SPAG16: variants seen among roughly 807,000 people sequenced by gnomAD.
SPAG16 encodes the protein sperm-associated antigen 16 protein.
SPAG16 carries 86 observed loss-of-function variants against 80.4 expected under a neutral mutation model. The ratio of observed to expected loss-of-function variants is 1.07; its 90% confidence interval spans 0.90 to 1.28. The LOEUF is 1.28. Among genes scored for constraint, SPAG16 ranks in the 50% most tolerant of loss-of-function variants. SPAG16 has a pLI of 0.00. For missense variants in SPAG16, 870 were observed against 765.3 expected (o/e 1.14, Z -1.61); for synonymous variants, 294 against 265.9 (o/e 1.11, Z -1.03).
intron 15 of SPAG16, among the ~76,000 whole-genome samples, chr2:214,234,341 A>G (rs541464551): frequency 4.5e-4 from 69 of 152,270 alleles, no homozygotes; most frequent in Admixed American, 1.0e-3. Flanking sequence ...TAGTGCTGCA[A>G]TGAACATAGG....
intron 3 of SPAG16, among the ~76,000 whole-genome samples, chr2:213,299,873 T>C (rs72935164): frequency 0.21 from 31,794 of 152,098 alleles, 4,309 homozygotes; most frequent in Non-Finnish European, 0.31. Context: ...AAAGGTAGGA[T>C]TATATATATG....
At chr2:214,306,654 C>T (rs1171558659) in intron 15 of SPAG16, among the ~76,000 whole-genome samples, 2 of 151,882 alleles carry the variant, frequency 1.3e-5, no homozygotes, top group African/African-American at 4.8e-5. Context: ...GTCTTTAGTT[C>T]TGTTTATGTG....
chr2:213,564,198 A>ATG (rs958744776), intron 10 of SPAG16, among the ~76,000 whole-genome samples: 2 of 152,164 alleles, frequency 1.3e-5, no homozygotes, highest in African/African-American at 4.8e-5. Flanking sequence ...CAAAGGCAGT[A>ATG]TGTGTGCCCA....
intron 10 of SPAG16, among the ~76,000 whole-genome samples, chr2:213,701,853 A>C (rs887301938): frequency 6.6e-6 from 1 of 152,158 alleles, no homozygotes; most frequent in African/African-American, 2.4e-5. Flanking sequence ...TGTCTAGCTC[A>C]GGGATTGTAA....
chr2:214,126,608 A>G (rs1244106668), intron 14 of SPAG16, among the ~76,000 whole-genome samples: 1 of 151,822 alleles, frequency 6.6e-6, no homozygotes, highest in Non-Finnish European at 1.5e-5. Context: ...AATCCATTGC[A>G]GGTTATCCCA....
rs76118901 is a variant in SPAG16 at position 213,980,029 on chromosome 2, A to G, written c.1401-33922A>G. Among the ~76,000 whole-genome samples, 1,384 of 151,756 alleles carry G rather than the reference A, an allele frequency of 9.1e-3. 39 individuals are homozygous for G. Among genetic ancestry groups the G allele is most frequent in the East Asian group, 0.09 (464 of 5,150 alleles). On this transcript the variant is annotated intron_variant, in intron 12 of 15. Coordinates refer to ENST00000331683, the MANE Select transcript of SPAG16 (RefSeq NM_024532.5). The stretch of plus-strand genomic sequence containing the variant: ...AAACATGTATGGCATTGCCTATAGC[A>G]TCATGAAAGAACCAGACTTACTGAA...
chr2:213,976,814 A>G (rs994787141), intron 12 of SPAG16, among the ~76,000 whole-genome samples: 1 of 151,532 alleles, frequency 6.6e-6, no homozygotes, highest in Non-Finnish European at 1.5e-5. Context: ...TGAGTTTGGA[A>G]GTGGTTTTGT....
intron 9 of SPAG16, among the ~76,000 whole-genome samples, chr2:213,384,935 G>A (rs2067348962): frequency 6.6e-6 from 1 of 151,976 alleles, no homozygotes; most frequent in South Asian, 2.1e-4. Context: ...TTCCATAATT[G>A]TGCCCATCTT....
intron 13 of SPAG16, among the ~76,000 whole-genome samples, chr2:214,019,100 A>G (rs2047730981): frequency 6.6e-6 from 1 of 152,194 alleles, no homozygotes; most frequent in South Asian, 2.1e-4. Flanking sequence ...AAATTGAAAG[A>G]TAAGATTGCT....
chr2:213,733,738 C>G (rs2067166650), intron 10 of SPAG16, among the ~76,000 whole-genome samples: 1 of 152,032 alleles, frequency 6.6e-6, no homozygotes, highest in Non-Finnish European at 1.5e-5. Context: ...TCAAGTGAGA[C>G]TTCTGTTGTG....
intron 10 of SPAG16, among the ~76,000 whole-genome samples, chr2:213,815,319 A>G (rs1214913385): frequency 6.6e-6 from 1 of 152,188 alleles, no homozygotes; most frequent in Non-Finnish European, 1.5e-5. Flanking sequence ...CCAGATTTGC[A>G]GGGAAGGTAA....
intron 10 of SPAG16, among the ~76,000 whole-genome samples, chr2:213,773,492 A>G (rs553997360): frequency 6.6e-6 from 1 of 152,242 alleles, no homozygotes; most frequent in Admixed American, 6.5e-5. Flanking sequence ...CTCATGGCAT[A>G]ATGGTAGTGT....
intron 3 of SPAG16, among the ~76,000 whole-genome samples, chr2:213,303,168 T>G (rs902250270): frequency 4.6e-5 from 7 of 152,102 alleles, no homozygotes; most frequent in African/African-American, 1.7e-4. Context: ...CTCTGCTAGT[T>G]TGGTATCTCC....
rs34221048 is a variant in SPAG16, at chr2:214,284,797, C to CTGTGTG, written c.1721-125312_1721-125307dup. Among the ~76,000 whole-genome samples the CTGTGTG allele has an allele frequency of 1.5e-3, 230 of 149,860 alleles. 1 individual carries two copies. The Middle Eastern group carries it at 0.024, about 16-fold the overall frequency. ...TTTTAAGGTTGAATAATATTTTACT[C>CTGTGTG]TGTGTGTGTGTGTGTGTGTGTGTGT... On this transcript the variant is annotated intron_variant, in intron 15 of 15. Transcript: ENST00000331683.
chr2:213,308,305 C>T (rs2063036259), intron 3 of SPAG16, among the ~76,000 whole-genome samples: 1 of 151,912 alleles, frequency 6.6e-6, no homozygotes, highest in Non-Finnish European at 1.5e-5. Context: ...TCATTTGTTG[C>T]TTGCTGAAAT....
chr2:214,103,569 A>G (rs2053202582), intron 13 of SPAG16, among the ~76,000 whole-genome samples: 2 of 152,220 alleles, frequency 1.3e-5, no homozygotes, highest in South Asian at 2.1e-4. Context: ...GGACATGTGT[A>G]TATCTAGATG....
intron 1 of SPAG16, among the ~76,000 whole-genome samples, chr2:213,291,341 A>G (rs1000166067): frequency 2.6e-5 from 4 of 152,256 alleles, no homozygotes; most frequent in Non-Finnish European, 5.9e-5. Flanking sequence ...GCGTACAAAC[A>G]TAAGTGTCAA....
intron 11 of SPAG16, among the ~76,000 whole-genome samples, chr2:213,920,981 G>C (rs1175636976): frequency 6.6e-6 from 1 of 152,220 alleles, no homozygotes; most frequent in Non-Finnish European, 1.5e-5. Flanking sequence ...AGAGTAGGTT[G>C]ATCCTTGTCA....
At chr2:213,973,978 A>G (rs1285729179) in intron 12 of SPAG16, among the ~76,000 whole-genome samples, 1 of 152,156 alleles carries the variant, frequency 6.6e-6, no homozygotes, top group Non-Finnish European at 1.5e-5. Context: ...CAGGTAGTTT[A>G]TGACCTGTAG....
Sources: allele counts gnomAD v4.1 joint callset (sites outside exome capture counted in the v4.1 genomes callset), GRCh38; gene constraint gnomAD v4.1.1; transcripts MANE v1.5; gene names NCBI Gene and HGNC (gene_info 2026-07-23, HGNC 2026-07-21).